Variants in ELN observed in about 807,000 individuals in gnomAD.
ELN encodes the protein elastin.
In ELN, 65 loss-of-function variants were observed where a neutral mutation model predicts 105.8. The observed-to-expected ratio is 0.61, with a 90% CI of 0.50 to 0.75. ELN has a LOEUF of 0.75. ELN is among the 30% of genes least tolerant of loss of function. The probability of loss-of-function intolerance (pLI) is 0.00; values close to 1 mark genes in which losing one functional copy is unlikely to be tolerated. For synonymous variants in ELN, 368 were observed against 389.2 expected, an observed-to-expected ratio of 0.95 and a Z score of 0.64; for missense variants, 882 against 969.4, an observed-to-expected ratio of 0.91 and a Z score of 1.20.
At chr7:74,052,687 A>AAGGAAGGG (rs1794325422) in intron 17 of ELN, 1 of 141,052 alleles carries the variant, frequency 7.1e-6, no homozygotes, top group African/African-American at 2.9e-5. Context: ...GGAAGGAAGG[A>AAGGAAGGG]AGGGAGGGAG....
chr7:74,056,551 A>T, intron 20 of ELN, 116 bp downstream of exon 20: 1 of 1,598,680 alleles, frequency 6.3e-7, no homozygotes, highest in East Asian at 2.2e-5. Context: ...CTCAGGGAGG[A>T]GTTGGGGGAG....
chr7:74,045,271 A>C lies in ELN; in HGVS notation c.519A>C (p.Ala173=). The C allele has an allele frequency of 6.2e-7, 1 of 1,614,168 alleles. No individual in the cohort carries two copies. Among genetic ancestry groups the C allele is most frequent in the Non-Finnish European group, 8.5e-7 (1 of 1,180,036 alleles). Residue 173 remains alanine (A), a synonymous_variant, in exon 10 of 33, where the codon GCA becomes GCC. Transcript: ENST00000252034. The stretch of plus-strand genomic sequence containing the variant: ...TGCTCCCTGGAGTTCCCACTGGAGC[A>C]GGAGTTAAGCCCAAGGCTCCAGGTA... ...VGVLPGVPTG[A]GVKPKAPGVG... is the part of the protein sequence containing the mutation.
chr7:74,068,467 G>A (rs1015180536), intron 32 of ELN, among the ~76,000 whole-genome samples, 190 bp from the exon 33 acceptor site: 31 of 152,184 alleles, frequency 2.0e-4, no homozygotes, highest in Admixed American at 1.2e-3. Flanking sequence ...TAATATCTTG[G>A]GGGCTTCTCC....
intron 9 of ELN, among the ~76,000 whole-genome samples, 158 bp from the exon 10 acceptor site, chr7:74,045,064 G>A (rs1219484861): frequency 4.6e-5 from 7 of 152,228 alleles, no homozygotes; most frequent in Non-Finnish European, 7.3e-5. Context: ...AGGAAAGTCA[G>A]CACTAAACAG....
chr7:74,051,676 C>T (rs1354967495), intron 15 of ELN, 74 bp from the exon 16 acceptor site: 21 of 1,554,680 alleles, frequency 1.4e-5, no homozygotes, highest in South Asian at 4.5e-5. Context: ...AAAACGCCGG[C>T]GTCTAAGTGG....
chr7:74,049,777 C>T (rs1158947313), intron 15 of ELN, among the ~76,000 whole-genome samples: 4 of 151,088 alleles, frequency 2.6e-5, no homozygotes, highest in Admixed American at 6.6e-5. Context: ...TCCCTCTATC[C>T]GTCCACTCAT....
Position 74,034,829 on chromosome 7 carries a change from G to A in ELN, c.83-535G>A, listed in dbSNP as rs536546087. On this transcript the variant is annotated intron_variant, in intron 1 of 32. Coordinates refer to ENST00000252034, the MANE Select transcript of ELN (RefSeq NM_000501.4). ...TCTTAAGATGATAGTCTCTGGGAGCGGTGGCTCACACCTGTAATCCCAGCA... is the reference window on the plus strand; with the variant it reads ...TCTTAAGATGATAGTCTCTGGGAGCAGTGGCTCACACCTGTAATCCCAGCA... 2.4e-4 allele frequency among the ~76,000 whole-genome samples: 36 copies of A among 152,238 alleles called. No homozygotes were observed. The South Asian group carries it at 6.6e-3, about 28-fold the overall frequency.
chr7:74,042,697 G>C lies in ELN; in HGVS notation c.316G>C (p.Ala106Pro). The change falls in exon 6 of 33, where the codon GCT (alanine) becomes CCT (proline). Residue 106 changes from alanine to proline, a missense_variant. Ala to Pro is a conservative substitution (Grantham distance 27, BLOSUM62 -1). Transcript: ENST00000252034. ...TGACGCTGCTGCAGCCTATAAAGCTGCTAAGGCTGGTGAGTGGTGCTCTTT... is the reference window on the plus strand; with the variant it reads ...TGACGCTGCTGCAGCCTATAAAGCTCCTAAGGCTGGTGAGTGGTGCTCTTT... The part of the protein sequence containing the change: ...VADAAAAYKA[A>P]KAGAGLGGVP... 12 of 1,612,984 alleles carry C rather than the reference G, an allele frequency of 7.4e-6. No individual in the cohort carries two copies. Among genetic ancestry groups the C allele is most frequent in the Non-Finnish European group, 1.0e-5 (12 of 1,180,014 alleles).
At position 74,069,837 on chromosome 7, in the gene ELN, T is replaced by C; in HGVS notation, c.*1137T>C. 5.1e-6 allele frequency: 1 copy of C among 197,496 alleles called. No individual in the cohort carries two copies. The highest frequency in any genetic ancestry group is 2.3e-5 in the African/African-American group (1 of 43,130). The allele number at this position is 197,496 out of a possible 1,614,324, so 12.2% of individuals were successfully genotyped here. On this transcript the variant is annotated 3_prime_UTR_variant, in exon 33 of 33. Transcript: ENST00000252034. ...AATATAACTCTGGATGAAACACACC[T>C]TTTTTTTTAATAAGAAAAGAGAATT... is the stretch of plus-strand genomic sequence containing the variant.
At chr7:74,064,217 C>G (rs1181024926) in intron 29 of ELN, among the ~76,000 whole-genome samples, 1 of 151,306 alleles carries the variant, frequency 6.6e-6, no homozygotes, top group Non-Finnish European at 1.5e-5. Flanking sequence ...AGATCAAGAC[C>G]ATCCTGGCTA....
Position 74,054,794 on chromosome 7 carries a change from C to T in ELN, c.1150+25C>T, listed in dbSNP as rs145469616. 511 of 1,613,512 alleles carry T rather than the reference C, an allele frequency of 3.2e-4. 2 individuals carry two copies. The African/African-American group carries it at 6.0e-3, about 19-fold the overall frequency. ...GGTGAGTGCTATGCTGACAGCTCTG[C>T]CCCACCCTGTCCTGGCCTTTACTTG... is the stretch of plus-strand genomic sequence containing the variant. On this transcript the variant is annotated intron_variant, in intron 19 of 32. Coordinates refer to ENST00000252034, the MANE Select transcript of ELN (RefSeq NM_000501.4).
chr7:74,031,129 C>G (rs1260325675), intron 1 of ELN, among the ~76,000 whole-genome samples: 1 of 152,240 alleles, frequency 6.6e-6, no homozygotes, highest in Non-Finnish European at 1.5e-5. Flanking sequence ...CAGGCTGCTT[C>G]CAGCTCTTTG....
At chr7:74,043,245 A>G (rs1563787060) in intron 8 of ELN, 77 bp downstream of exon 8, 2 of 1,537,560 alleles carry the variant, frequency 1.3e-6, no homozygotes, top group Non-Finnish European at 1.8e-6. Flanking sequence ...AGCCCTCTCC[A>G]TGCCACTGCA....
chr7:74,051,634 G>A (rs1794057178), intron 15 of ELN, 116 bp from the exon 16 acceptor site: 18 of 1,172,128 alleles, frequency 1.5e-5, no homozygotes, highest in African/African-American at 4.6e-5. Context: ...GGAGACACCC[G>A]GGCCCCATTC....
chr7:74,046,902 G>A (rs1377303962), intron 12 of ELN, 135 bp downstream of exon 12: 11 of 1,004,294 alleles, frequency 1.1e-5, no homozygotes, highest in Non-Finnish European at 1.7e-5. Context: ...TGGCCAACAT[G>A]GCAAAACCCC....
chr7:74,041,279 C>A, intron 5 of ELN, 28 bp downstream of exon 5: 5 of 1,613,686 alleles, frequency 3.1e-6, no homozygotes, highest in Non-Finnish European at 4.2e-6. Flanking sequence ...AGAAAGATAT[C>A]CCCTGTGGGG....
At chr7:74,030,347 G>A (rs1044017449) in intron 1 of ELN, among the ~76,000 whole-genome samples, 2 of 152,126 alleles carry the variant, frequency 1.3e-5, no homozygotes, top group African/African-American at 2.4e-5. Flanking sequence ...ACCCTGTTGC[G>A]GGGGTGGGGG....
intron 8 of ELN, chr7:74,043,514 C>A (rs1791739039): frequency 1.5e-6 from 1 of 679,480 alleles, no homozygotes; most frequent in African/African-American, 1.8e-5. Context: ...TCCTCTGACT[C>A]CCCATCTGGT....
intron 25 of ELN, 39 bp from the exon 26 acceptor site, chr7:74,061,062 T>C (rs1399028238): frequency 6.2e-7 from 1 of 1,613,738 alleles, no homozygotes; most frequent in Non-Finnish European, 8.5e-7. Flanking sequence ...GGCACAGAGC[T>C]CGGCTCCTGA....
Sources: gnomAD v4.1 joint callset for allele counts (sites outside exome capture counted in the v4.1 genomes callset) on GRCh38, gnomAD v4.1.1 for gene constraint, MANE v1.5 for transcripts, NCBI Gene and HGNC (gene_info 2026-07-23, HGNC 2026-07-21) for gene names.